ATP11C: variants seen among roughly 807,000 people sequenced by gnomAD.
ATP11C encodes ATPase phospholipid transporting 11C (ATP11C blood group).
In ATP11C, 36 loss-of-function variants were observed where a neutral mutation model predicts 97.4. The ratio of observed to expected loss-of-function variants is 0.37; its 90% CI spans 0.28 to 0.49. The LOEUF is 0.49. ATP11C is among the 20% of genes least tolerant of loss of function. The pLI is 0.98. For missense variants in ATP11C, 730 were observed against 824.6 expected, an observed-to-expected ratio of 0.89 and a Z score of 1.40; for synonymous variants, 275 against 290.9, an observed-to-expected ratio of 0.95 and a Z score of 0.56.
chrX:139,879,245 T>C (rs1309436528), intron 1 of ATP11C, among the ~76,000 whole-genome samples: 1 of 110,875 alleles, frequency 9.0e-6, no homozygotes, highest in Non-Finnish European at 1.9e-5. Flanking sequence ...TTATTCACAA[T>C]AGCCAAGATA....
chrX:139,777,146 A>T (rs1369988752), intron 18 of ATP11C, among the ~76,000 whole-genome samples: 1 of 111,460 alleles, frequency 9.0e-6, no homozygotes, highest in African/African-American at 3.3e-5. Context: ...ACACACACAA[A>T]GGATTGTACT....
At chrX:139,879,264 A>G (rs2084525256) in intron 1 of ATP11C, among the ~76,000 whole-genome samples, 1 of 111,154 alleles carries the variant, frequency 9.0e-6, no homozygotes, top group African/African-American at 3.3e-5. Flanking sequence ...TATGGTCACA[A>G]CCTAAGTATC....
At chrX:139,759,226 A>G (rs747599232) in intron 22 of ATP11C, among the ~76,000 whole-genome samples, 29 of 111,836 alleles carry the variant, frequency 2.6e-4, no homozygotes, top group African/African-American at 8.4e-4. Context: ...TGTAAGTCTC[A>G]TGAGAAAAGG....
chrX:139,741,195 G>A (rs1475301556), intron 26 of ATP11C, 101 bp from the exon 27 acceptor site: 1 of 517,013 alleles, frequency 1.9e-6, no homozygotes. Flanking sequence ...CCTATGAAAG[G>A]ATCTAGCTTG....
intron 6 of ATP11C, 68 bp from the exon 7 acceptor site, chrX:139,802,407 A>C: frequency 3.2e-6 from 2 of 619,759 alleles, no homozygotes; most frequent in Non-Finnish European, 5.2e-6. Flanking sequence ...CACCCAACTG[A>C]TTTCAGAAAC....
intron 5 of ATP11C, among the ~76,000 whole-genome samples, chrX:139,809,890 C>T (rs944350011): frequency 9.0e-6 from 1 of 110,826 alleles, no homozygotes; most frequent in Non-Finnish European, 1.9e-5. Context: ...CGCTTGAACC[C>T]AGTAGACAGA....
intron 1 of ATP11C, among the ~76,000 whole-genome samples, chrX:139,885,946 T>C (rs2084634390): frequency 9.0e-6 from 1 of 110,641 alleles, no homozygotes; most frequent in Non-Finnish European, 1.9e-5. Context: ...AAACACAAAA[T>C]GATTTCCCCC....
intron 12 of ATP11C, among the ~76,000 whole-genome samples, chrX:139,793,883 A>G (rs2082741541): frequency 9.0e-6 from 1 of 111,240 alleles, no homozygotes; most frequent in Non-Finnish European, 1.9e-5. Flanking sequence ...TATTTTTAAA[A>G]ACTTGAGGGT....
In ATP11C at chrX:139,852,472, G is replaced by T. The variant is rs866703476; in HGVS notation, c.28-25649C>A. On this transcript the variant is annotated intron_variant, in intron 1 of 29. Coordinates refer to ENST00000682941, the MANE Select transcript of ATP11C (RefSeq NM_001353812.2). ...CAATGCGGGGGGGGGGGGGGGGGGG[G>T]GGGGGGGGGAACTGGCCAGCGACCT... Among the ~76,000 whole-genome samples, 12 of 24,872 alleles carry T rather than the reference G, an allele frequency of 4.8e-4. 1 individual carries two copies. The highest frequency in any genetic ancestry group is 1.3e-3 in the Admixed American group (3 of 2,388). The allele number at this position is 24,872 out of a possible 115,157, so 21.6% of individuals were successfully genotyped here.
intron 26 of ATP11C, among the ~76,000 whole-genome samples, chrX:139,742,864 T>TA (rs573243237): frequency 2.5e-4 from 5 of 20,130 alleles, no homozygotes; most frequent in African/African-American, 1.2e-3. Context: ...ATTTTTAAAT[T>TA]AAAAAAAAAA....
chrX:139,780,774 T>C (rs12687838), intron 18 of ATP11C, among the ~76,000 whole-genome samples: 21,125 of 111,416 alleles, frequency 0.19, 3,392 homozygotes, highest in African/African-American at 0.52. Flanking sequence ...TCCTTTGCAG[T>C]AACATGGATG....
intron 23 of ATP11C, 124 bp from the exon 24 acceptor site, chrX:139,750,276 T>C: frequency 1.6e-6 from 1 of 612,608 alleles, no homozygotes; most frequent in Non-Finnish European, 2.4e-6. Context: ...CTTTTGGTAG[T>C]GGCAAAGGAA....
At chrX:139,883,840 CT>C (rs1412668349) in intron 1 of ATP11C, among the ~76,000 whole-genome samples, 2 of 111,778 alleles carry the variant, frequency 1.8e-5, no homozygotes, top group Non-Finnish European at 3.8e-5. Flanking sequence ...ACATCCTGGA[CT>C]TCTGAATAAA....
At chrX:139,888,453 A>C (rs1351734406) in intron 1 of ATP11C, among the ~76,000 whole-genome samples, 1 of 110,958 alleles carries the variant, frequency 9.0e-6, no homozygotes, top group Non-Finnish European at 1.9e-5. Flanking sequence ...ATTTTTCAAA[A>C]CCCTGCCAAA....
At chrX:139,746,317 A>T (rs1408974157) in intron 24 of ATP11C, among the ~76,000 whole-genome samples, 2 of 111,651 alleles carry the variant, frequency 1.8e-5, no homozygotes, top group Admixed American at 9.5e-5. Context: ...AAAACTACTA[A>T]TGCCTGGCTG....
chrX:139,772,149 G>T (rs1473708428), intron 19 of ATP11C, among the ~76,000 whole-genome samples: 2 of 112,448 alleles, frequency 1.8e-5, no homozygotes, highest in African/African-American at 6.5e-5. Context: ...TGGCTGAAAG[G>T]GGCCAACGTA....
chrX:139,801,690 A>T (rs1379325165), intron 7 of ATP11C, among the ~76,000 whole-genome samples: 1 of 111,801 alleles, frequency 8.9e-6, no homozygotes, highest in Admixed American at 9.5e-5. Flanking sequence ...ACCCACAATG[A>T]CTAATAATCA....
At chrX:139,872,136 A>C (rs376087271) in intron 1 of ATP11C, among the ~76,000 whole-genome samples, 3 of 111,531 alleles carry the variant, frequency 2.7e-5, no homozygotes, top group East Asian at 5.6e-4. Context: ...ACAGCTAAAA[A>C]TTGATAACAA....
chrX:139,836,469 C>T (rs113096159), intron 1 of ATP11C, among the ~76,000 whole-genome samples: 1,643 of 111,031 alleles, frequency 0.015, 33 homozygotes, highest in African/African-American at 0.052. Context: ...GAGCCGAGAT[C>T]GCACCATTGC....
Sources: gnomAD v4.1 joint callset for allele counts (sites outside exome capture counted in the v4.1 genomes callset) on GRCh38, gnomAD v4.1.1 for gene constraint, MANE v1.5 for transcripts, NCBI Gene and HGNC (gene_info 2026-07-23, HGNC 2026-07-21) for gene names.